The following CALN1 variants were observed in gnomAD, a reference collection of about 807,000 sequenced individuals.
The protein encoded by CALN1 is calneuron 1.
A neutral mutation model predicts 30.6 loss-of-function variants in CALN1; 17 were observed. The observed-to-expected ratio is 0.56, with a 90% CI of 0.38 to 0.83. The LOEUF (loss-of-function observed/expected upper bound fraction) is 0.83, where lower values mean the gene tolerates loss of function less well. Among genes scored for constraint, CALN1 ranks in the 40% least tolerant of loss-of-function variants. CALN1 has a pLI of 0.00. For missense variants in CALN1, 291 were observed against 354.9 expected, an observed-to-expected ratio of 0.82 and a Z score of 1.45; for synonymous variants, 156 against 131.4, an observed-to-expected ratio of 1.19 and a Z score of -1.28.
intron 3 of CALN1, among the ~76,000 whole-genome samples, chr7:72,212,111 G>C (rs958831236): frequency 1.5e-4 from 23 of 152,070 alleles, no homozygotes; most frequent in African/African-American, 5.6e-4. Context: ...CCAGCACTTT[G>C]GGAGGCCAAG....
chr7:71,925,806 G>C (rs1352098552), intron 5 of CALN1, among the ~76,000 whole-genome samples: 2 of 152,118 alleles, frequency 1.3e-5, no homozygotes, highest in East Asian at 1.9e-4. Flanking sequence ...CCAAACTGGA[G>C]AAAGAGGCAT....
intron 2 of CALN1, among the ~76,000 whole-genome samples, chr7:72,336,294 C>A (rs540835472): frequency 6.6e-6 from 1 of 152,220 alleles, no homozygotes; most frequent in African/African-American, 2.4e-5. Flanking sequence ...GGCTCCGAGT[C>A]CCCTGCCCTC....
chr7:72,225,986 C>T (rs1003829106), intron 3 of CALN1, among the ~76,000 whole-genome samples: 1 of 151,546 alleles, frequency 6.6e-6, no homozygotes, highest in African/African-American at 2.4e-5. Flanking sequence ...GTCCCAGCTA[C>T]TCGGGAGGCT....
chr7:72,072,367 T>A (rs1804457523), intron 4 of CALN1, among the ~76,000 whole-genome samples: 2 of 152,154 alleles, frequency 1.3e-5, no homozygotes, highest in Non-Finnish European at 2.9e-5. Context: ...ATATAGCCAA[T>A]GTGCTATAAG....
intron 4 of CALN1, among the ~76,000 whole-genome samples, chr7:72,083,069 C>T (rs546189918): frequency 0.012 from 1,874 of 152,118 alleles, 17 homozygotes; most frequent in Non-Finnish European, 0.02. Flanking sequence ...GGTGTGGTGG[C>T]GGGCGCCTGT....
intron 3 of CALN1, among the ~76,000 whole-genome samples, chr7:72,207,464 T>G (rs1791973192): frequency 6.6e-6 from 1 of 151,306 alleles, no homozygotes; most frequent in Non-Finnish European, 1.5e-5. Flanking sequence ...CCAGTTTGTT[T>G]ATTTAGTAGT....
the CALN1 span, among the ~76,000 whole-genome samples, chr7:72,490,244 C>A: frequency 2.6e-5 from 4 of 151,938 alleles, no homozygotes; most frequent in African/African-American, 9.7e-5. Flanking sequence ...AGTAGAAGAC[C>A]TTTAGAAAAT....
intron 2 of CALN1, among the ~76,000 whole-genome samples, chr7:72,355,579 G>GAA (rs1180167551): frequency 1.4e-4 from 21 of 152,048 alleles, no homozygotes; most frequent in Non-Finnish European, 2.4e-4. Context: ...AGTCATAAAA[G>GAA]AAAAATTTGA....
chr7:72,278,858 ATTC>A (rs778405385), intron 2 of CALN1, 48 bp from the exon 3 acceptor site: 10 of 1,579,494 alleles, frequency 6.3e-6, no homozygotes, highest in Admixed American at 1.7e-5. Flanking sequence ...ATCATCATTC[ATTC>A]TTCCTTTCCT....
chr7:72,317,170 AGGGAGGGAAGGAGGCAGGAG>A lies in CALN1; in HGVS notation c.120-38380_120-38361del, dbSNP rs1243948649. 7.3e-3 allele frequency among the ~76,000 whole-genome samples: 535 copies of A among 73,356 alleles called. 3 individuals are homozygous for A. The highest frequency in any genetic ancestry group is 0.025 in the African/African-American group (480 of 18,912). 48.1% of individuals were successfully genotyped at this position (73,356 alleles called of 152,430 possible). A position where few individuals can be genotyped will look rare whatever the true frequency, so the allele number is the denominator to read the frequency against. ...CAGGGAAGAAGGGAGCAGGGGAGGG[AGGGAGGGAAGGAGGCAGGAG>A]GGGAGGGAAGGAGGGAGGGAGGAAG... On this transcript the variant is annotated intron_variant, in intron 2 of 6. Coordinates refer to ENST00000395275, the MANE Select transcript of CALN1 (RefSeq NM_031468.4).
At chr7:71,900,267 C>T (rs949005919) in intron 5 of CALN1, among the ~76,000 whole-genome samples, 2 of 152,040 alleles carry the variant, frequency 1.3e-5, no homozygotes, top group African/African-American at 4.8e-5. Context: ...ACAAAGATGT[C>T]CATTTTCACC....
chr7:72,134,448 A>G (rs1809368199), intron 3 of CALN1, among the ~76,000 whole-genome samples: 1 of 152,202 alleles, frequency 6.6e-6, no homozygotes, highest in Non-Finnish European at 1.5e-5. Context: ...AAGATATTGC[A>G]GGTTTGGTTC....
chr7:72,291,885 T>C (rs147973473), intron 2 of CALN1, among the ~76,000 whole-genome samples: 2 of 152,090 alleles, frequency 1.3e-5, no homozygotes, highest in East Asian at 3.9e-4. Flanking sequence ...GTACTGGGAT[T>C]ACAGACATGA....
intron 2 of CALN1, among the ~76,000 whole-genome samples, chr7:72,336,200 C>A (rs1167483608): frequency 1.3e-5 from 2 of 152,070 alleles, no homozygotes; most frequent in Non-Finnish European, 2.9e-5. Flanking sequence ...GAGAACCCTG[C>A]CTCCCGCCTC....
intron 5 of CALN1, among the ~76,000 whole-genome samples, chr7:71,881,340 A>G (rs532431423): frequency 1.3e-5 from 2 of 152,254 alleles, no homozygotes; most frequent in African/African-American, 4.8e-5. Flanking sequence ...ATTCTCCTTA[A>G]TAAGCTCCCC....
intron 3 of CALN1, among the ~76,000 whole-genome samples, chr7:72,221,757 G>A (rs1793319414): frequency 6.6e-6 from 1 of 151,738 alleles, no homozygotes; most frequent in Non-Finnish European, 1.5e-5. Context: ...GGGCATGGTG[G>A]CATGTGCCTG....
At chr7:72,262,936 C>A (rs548405) in intron 3 of CALN1, among the ~76,000 whole-genome samples, 87,572 of 152,052 alleles carry the variant, frequency 0.58, 25,571 homozygotes, top group African/African-American at 0.65. Flanking sequence ...GACACAAAGA[C>A]TCACAATGGG....
chr7:72,376,261 G>C (rs1423466837), intron 2 of CALN1, among the ~76,000 whole-genome samples: 1 of 152,126 alleles, frequency 6.6e-6, no homozygotes. Context: ...ATATATCTAG[G>C]AGTGGAACTG....
intron 3 of CALN1, among the ~76,000 whole-genome samples, chr7:72,172,437 C>T (rs1383529493): frequency 6.6e-6 from 1 of 152,074 alleles, no homozygotes; most frequent in African/African-American, 2.4e-5. Context: ...GCTTTGTGTT[C>T]AAGAGTGAAA....
Sources: gnomAD v4.1 joint callset for allele counts (sites outside exome capture counted in the v4.1 genomes callset) on GRCh38, gnomAD v4.1.1 for gene constraint, MANE v1.5 for transcripts, NCBI Gene and HGNC (gene_info 2026-07-23, HGNC 2026-07-21) for gene names.